Variants in FBXO36 observed in about 807,000 individuals in gnomAD.
FBXO36 encodes F-box protein 36.
Under a neutral mutation model 17.0 loss-of-function variants are expected in FBXO36, and 18 were observed. That is an observed-to-expected ratio of 1.06 (90% CI 0.73 to 1.57). The LOEUF is 1.57. Among genes scored for constraint, FBXO36 ranks in the 40% most tolerant of loss-of-function variants. The probability of loss-of-function intolerance (pLI) is 0.00; values close to 1 mark genes in which losing one functional copy is unlikely to be tolerated. For synonymous variants in FBXO36, 83 were observed against 85.3 expected (o/e 0.97, Z 0.15); for missense variants, 229 against 221.9 (o/e 1.03, Z -0.20).
At chr2:229,939,658 C>CCA (rs1341020897) in intron 1 of FBXO36, among the ~76,000 whole-genome samples, 3 of 152,096 alleles carry the variant, frequency 2.0e-5, no homozygotes, top group Non-Finnish European at 4.4e-5. Context: ...AAAGTCGTTT[C>CCA]CACATTAATA....
rs577005635 is a variant in FBXO36 at position 229,954,217 on chromosome 2, C to A, written c.97-22024C>A. ...ATAGGTAAATGAATGATGCAACTGT[C>A]ATTACAAACCCTTTGGATTTTTTTT... On this transcript the variant is annotated intron_variant, in intron 1 of 3. Coordinates refer to ENST00000283946, the MANE Select transcript of FBXO36 (RefSeq NM_174899.5). Among the ~76,000 whole-genome samples the A allele has an allele frequency of 2.7e-4, 30 of 112,086 alleles. 2 individuals are homozygous for A. The South Asian group carries it at 8.8e-3, about 33-fold the overall frequency. The allele number at this position is 112,086 out of a possible 152,430, so 73.5% of individuals were successfully genotyped here. A position where few individuals can be genotyped will look rare whatever the true frequency, so the allele number is the denominator to read the frequency against.
At chr2:229,966,760 A>G (rs1313126353) in intron 1 of FBXO36, among the ~76,000 whole-genome samples, 1 of 152,216 alleles carries the variant, frequency 6.6e-6, no homozygotes, top group Non-Finnish European at 1.5e-5. Flanking sequence ...TGGTACCAGT[A>G]CCATGCTGTT....
At chr2:229,972,601 C>T (rs1286058696) in intron 1 of FBXO36, among the ~76,000 whole-genome samples, 3 of 151,898 alleles carry the variant, frequency 2.0e-5, no homozygotes, top group Non-Finnish European at 2.9e-5. Flanking sequence ...TGTCTGGCAT[C>T]GGGCAGGGCA....
At position 230,012,555 on chromosome 2, in the gene FBXO36, C is replaced by T. The variant is rs568736296; in HGVS notation, c.*1671C>T. ...CAAGAGACCCAGGCCTCATTCTCCA[C>T]TTAGGAGAGTTTGCTAGGGCAGGTA... On this transcript the variant is annotated 3_prime_UTR_variant, in exon 4 of 4. Transcript: ENST00000283946. 1.3e-5 allele frequency: 2 copies of T among 152,022 alleles called. No homozygotes were observed. Among genetic ancestry groups the T allele is most frequent in the African/African-American group, 4.8e-5 (2 of 41,532 alleles). 9.4% of individuals were successfully genotyped at this position (152,022 alleles called of 1,614,324 possible). A position where few individuals can be genotyped will look rare whatever the true frequency, so the allele number is the denominator to read the frequency against.
At chr2:229,928,808 G>C (rs1281745017) in intron 1 of FBXO36, among the ~76,000 whole-genome samples, 1 of 151,944 alleles carries the variant, frequency 6.6e-6, no homozygotes, top group Non-Finnish European at 1.5e-5. Flanking sequence ...TGTCCCCCAG[G>C]CTGGTGTGTA....
intron 1 of FBXO36, among the ~76,000 whole-genome samples, chr2:229,954,904 C>CA (rs1355298075): frequency 6.6e-6 from 1 of 150,852 alleles, no homozygotes; most frequent in African/African-American, 2.4e-5. Context: ...GGCTGGAGTA[C>CA]AGTGGCACCA....
intron 2 of FBXO36, 58 bp from the exon 3 acceptor site, chr2:229,996,693 T>G: frequency 6.6e-7 from 1 of 1,508,562 alleles, no homozygotes; most frequent in Non-Finnish European, 8.9e-7. Context: ...TCACTGATTG[T>G]TATTATAATT....
chr2:229,958,313 C>T (rs2077101935), intron 1 of FBXO36, among the ~76,000 whole-genome samples: 1 of 135,530 alleles, frequency 7.4e-6, no homozygotes, highest in Non-Finnish European at 1.5e-5. Context: ...CTCTGTCATC[C>T]AGGCTGGAGT....
intron 1 of FBXO36, among the ~76,000 whole-genome samples, chr2:229,930,115 A>G (rs992656126): frequency 6.6e-6 from 1 of 152,096 alleles, no homozygotes; most frequent in Admixed American, 6.6e-5. Flanking sequence ...TGGGAGACCT[A>G]GGCAGAAAGA....
intron 1 of FBXO36, among the ~76,000 whole-genome samples, chr2:229,928,355 AT>A (rs1212101335): frequency 6.6e-6 from 1 of 152,236 alleles, no homozygotes; most frequent in Non-Finnish European, 1.5e-5. Flanking sequence ...GTTTTAAATA[AT>A]TCTTAAAAGA....
At chr2:229,932,958 T>C in intron 1 of FBXO36, 1 of 202,188 alleles carries the variant, frequency 4.9e-6, no homozygotes, top group South Asian at 5.8e-5. Flanking sequence ...TCCCAGCTAC[T>C]CAGGAGGCTG....
intron 1 of FBXO36, among the ~76,000 whole-genome samples, chr2:229,924,910 A>G (rs2076900043): frequency 6.6e-6 from 1 of 151,952 alleles, no homozygotes; most frequent in African/African-American, 2.4e-5. Context: ...CTGGGATTAC[A>G]GGCGCCCGCC....
intron 3 of FBXO36, among the ~76,000 whole-genome samples, chr2:230,003,323 A>AT (rs1230896782): frequency 6.6e-6 from 1 of 151,096 alleles, no homozygotes; most frequent in African/African-American, 2.4e-5. Context: ...CAGCAACCTT[A>AT]TTTTTGTTCT....
chr2:229,954,013 G>A (rs535865752), intron 1 of FBXO36, among the ~76,000 whole-genome samples: 15 of 152,044 alleles, frequency 9.9e-5, no homozygotes, highest in African/African-American at 3.1e-4. Context: ...CTATAGGCAT[G>A]TGCCATCACG....
intron 1 of FBXO36, among the ~76,000 whole-genome samples, chr2:229,960,845 A>C (rs2077116908): frequency 6.6e-6 from 1 of 152,182 alleles, no homozygotes; most frequent in Non-Finnish European, 1.5e-5. Flanking sequence ...GCAGTGGCTC[A>C]TGCCTGTAAT....
intron 2 of FBXO36, among the ~76,000 whole-genome samples, chr2:229,990,444 A>G (rs980531457): frequency 1.3e-5 from 2 of 151,840 alleles, no homozygotes; most frequent in African/African-American, 4.8e-5. Context: ...AGGAGTTTTC[A>G]TTTATAATAG....
intron 3 of FBXO36, among the ~76,000 whole-genome samples, chr2:230,002,245 A>T (rs1022649235): frequency 1.3e-5 from 2 of 152,168 alleles, no homozygotes; most frequent in African/African-American, 4.8e-5. Flanking sequence ...GTACAACACT[A>T]TTAACTAAAA....
chr2:229,963,357 C>T (rs560915914), intron 1 of FBXO36, among the ~76,000 whole-genome samples: 2 of 152,000 alleles, frequency 1.3e-5, no homozygotes, highest in Non-Finnish European at 2.9e-5. Flanking sequence ...AGCGACCGTG[C>T]CCGGCCCCCC....
At chr2:229,980,900 G>C (rs1231800648) in intron 2 of FBXO36, among the ~76,000 whole-genome samples, 1 of 152,122 alleles carries the variant, frequency 6.6e-6, no homozygotes, top group Non-Finnish European at 1.5e-5. Context: ...AATTAAATCA[G>C]CCCGGCAAGT....
Sources: gnomAD v4.1 joint callset for allele counts (sites outside exome capture counted in the v4.1 genomes callset) on GRCh38, gnomAD v4.1.1 for gene constraint, MANE v1.5 for transcripts, NCBI Gene and HGNC (gene_info 2026-07-23, HGNC 2026-07-21) for gene names.